AGAP1: variants seen among roughly 807,000 people sequenced by gnomAD.
AGAP1 encodes arf-GAP with GTPase, ANK repeat and PH domain-containing protein 1.
In AGAP1, 29 loss-of-function variants were observed where a neutral mutation model predicts 105.3. The ratio of observed to expected loss-of-function variants is 0.28; its 90% CI spans 0.21 to 0.38. AGAP1 has a LOEUF of 0.38. AGAP1 is among the 10% of genes least tolerant of loss of function. The pLI is 1.00. For synonymous variants in AGAP1, 509 were observed against 485.9 expected (o/e 1.05, Z -0.63); for missense variants, 998 against 1,165.1 (o/e 0.86, Z 2.09).
At chr2:235,680,003 G>A (rs578055105) in intron 1 of AGAP1, among the ~76,000 whole-genome samples, 7 of 152,196 alleles carry the variant, frequency 4.6e-5, no homozygotes, top group Non-Finnish European at 7.3e-5. Flanking sequence ...TCTAAGTAAC[G>A]TACTACTACT....
At chr2:235,679,990 G>A (rs1303434186) in intron 1 of AGAP1, among the ~76,000 whole-genome samples, 5 of 152,186 alleles carry the variant, frequency 3.3e-5, no homozygotes, top group South Asian at 4.1e-4. Flanking sequence ...TTTGACTGTC[G>A]TTTCTAAGTA....
At chr2:235,852,782 G>A (rs1162975017) in intron 9 of AGAP1, 2 of 1,536,962 alleles carry the variant, frequency 1.3e-6, no homozygotes, top group Non-Finnish European at 1.8e-6. Context: ...AGGGCCGAGG[G>A]GTGGTCAGAC....
In AGAP1 at chr2:236,120,223, T is replaced by C. The variant is rs1206198711; in HGVS notation, c.2146T>C (p.Tyr716His). The change falls in exon 17 of 18, where the codon TAC (tyrosine) becomes CAC (histidine). Residue 716 changes from tyrosine to histidine, a missense_variant. Around this residue, in one of 3 missense-constraint regions of AGAP1, gnomAD observed 235 missense variants for 270.7 expected, o/e 0.87. Coordinates refer to ENST00000304032, the MANE Select transcript of AGAP1 (RefSeq NM_001037131.3). The surrounding 1 kb of genome is among the most constrained non-coding windows in gnomAD (Gnocchi z 6.0). ...GAAGGAACGGTGGATCCGTGCCAAG[T>C]ACGAGCAGAAGCTCTTCCTGGCCCC... ...EEKERWIRAK[Y>H]EQKLFLAPLP... 6.2e-7 allele frequency: 1 copy of C among 1,613,176 alleles called. No individual in the cohort carries two copies. The highest frequency in any genetic ancestry group is 8.5e-7 in the Non-Finnish European group (1 of 1,179,420).
chr2:235,849,449 A>G (rs1961899009), intron 9 of AGAP1, among the ~76,000 whole-genome samples: 1 of 148,252 alleles, frequency 6.7e-6, no homozygotes, highest in Non-Finnish European at 1.5e-5. Flanking sequence ...GATGATAGAA[A>G]CAAGCTAATG....
At position 236,105,754 on chromosome 2, in the gene AGAP1, C is replaced by T. The variant is rs373036566; in HGVS notation, c.2115-14438C>T. Among the ~76,000 whole-genome samples, 33 of 152,096 alleles carry T rather than the reference C, an allele frequency of 2.2e-4. No homozygotes were observed. The South Asian group carries it at 2.9e-3, about 13-fold the overall frequency. On this transcript the variant is annotated intron_variant, in intron 16 of 17. Coordinates refer to ENST00000304032, the MANE Select transcript of AGAP1 (RefSeq NM_001037131.3). This position sits in a 1 kb window ranked among gnomAD's most constrained non-coding sequence, Gnocchi z 4.2. ...GACTACAGGCGCCCGCCACCATGCC[C>T]GGCTGATTTTGTTTTTGTATTTTTA...
chr2:235,885,099 TTAA>T (rs1353494731), intron 10 of AGAP1, among the ~76,000 whole-genome samples: 3 of 152,140 alleles, frequency 2.0e-5, no homozygotes, highest in Admixed American at 6.5e-5. Context: ...TTGAAGAAAA[TTAA>T]TATCATTCCT....
At chr2:235,757,722 G>C (rs2149757505) in intron 6 of AGAP1, among the ~76,000 whole-genome samples, 1 of 152,268 alleles carries the variant, frequency 6.6e-6, no homozygotes, top group Admixed American at 6.5e-5. Flanking sequence ...GGAAGTCAGG[G>C]AGCCTCGGTG....
chr2:236,068,119 A>G (rs2058394625), intron 16 of AGAP1, among the ~76,000 whole-genome samples: 1 of 152,164 alleles, frequency 6.6e-6, no homozygotes, highest in Admixed American at 6.5e-5. Flanking sequence ...TAAAAATACG[A>G]AATTTAGCTG....
At chr2:235,948,274 C>T (rs1389918566) in intron 12 of AGAP1, among the ~76,000 whole-genome samples, 1 of 152,162 alleles carries the variant, frequency 6.6e-6, no homozygotes, top group Non-Finnish European at 1.5e-5. Context: ...ACTCTGCCTC[C>T]TGGGCTCAAG....
In AGAP1 at chr2:235,930,632, T is replaced by C; in HGVS notation, c.1325-133T>C. On this transcript the variant is annotated intron_variant, in intron 11 of 17. Coordinates refer to ENST00000304032, the MANE Select transcript of AGAP1 (RefSeq NM_001037131.3). This position sits in a 1 kb window ranked among gnomAD's most constrained non-coding sequence, Gnocchi z 7.9. ...TTCTGTCTGGCGCTTCCGTTTGCCA[T>C]GCAGGCAGGACAGGGGCTGCTCTCG... The C allele has an allele frequency of 1.2e-6, 1 of 860,638 alleles. No homozygotes were observed. The highest frequency in any genetic ancestry group is 1.8e-5 in the South Asian group (1 of 54,844). 53.3% of individuals were successfully genotyped at this position (860,638 alleles called of 1,614,324 possible). A position where few individuals can be genotyped will look rare whatever the true frequency, so the allele number is the denominator to read the frequency against.
At chr2:235,595,442 T>G (rs1945495091) in intron 1 of AGAP1, among the ~76,000 whole-genome samples, 1 of 152,230 alleles carries the variant, frequency 6.6e-6, no homozygotes, top group Non-Finnish European at 1.5e-5. Flanking sequence ...CTCCTGGGCC[T>G]GCTGCTGCCT....
chr2:235,763,663 T>C (rs777084745), intron 6 of AGAP1, among the ~76,000 whole-genome samples: 5 of 152,184 alleles, frequency 3.3e-5, no homozygotes, highest in Non-Finnish European at 5.9e-5. Flanking sequence ...TTCAGCGTTC[T>C]CCAGCAGCTG....
In AGAP1 at chr2:235,691,154, C is replaced by T. The variant is rs977569153; in HGVS notation, c.164-18025C>T. On this transcript the variant is annotated intron_variant, in intron 1 of 17. Transcript: ENST00000304032. This position sits in a 1 kb window ranked among gnomAD's most constrained non-coding sequence, Gnocchi z 4.4. ...AGTCTGCCCCATGCGATTCTGAGGC[C>T]TTGGTCCCTTCTGAGAGACCCCAGC... Among the ~76,000 whole-genome samples, 4 of 152,190 alleles carry T rather than the reference C, an allele frequency of 2.6e-5. No individual in the cohort carries two copies. Among genetic ancestry groups the T allele is most frequent in the African/African-American group, 7.2e-5 (3 of 41,462 alleles).
At chr2:236,103,496 T>TTTTTC (rs200555476) in intron 16 of AGAP1, among the ~76,000 whole-genome samples, 3,083 of 151,852 alleles carry the variant, frequency 0.02, 115 homozygotes, top group African/African-American at 0.071. Flanking sequence ...TTGTCTTTCT[T>TTTTTC]TTTTCTTTTC....
intron 10 of AGAP1, among the ~76,000 whole-genome samples, chr2:235,907,992 A>C (rs548561538): frequency 2.6e-5 from 4 of 152,216 alleles, no homozygotes; most frequent in South Asian, 2.1e-4. Context: ...AGTGATGATG[A>C]TGCTGCACTA....
chr2:235,797,852 G>C lies in AGAP1; in HGVS notation c.767G>C (p.Cys256Ser), dbSNP rs1957313125. ...LPNSPSHSSV[C>S]SAQVSAVHIS... Reference sequence around the variant, plus strand: ...AATTCTCCCAGCCATTCCTCCGTCTGTTCCGCGCAGGTGTCTGCCGTGCAC... The same window carrying C: ...AATTCTCCCAGCCATTCCTCCGTCTCTTCCGCGCAGGTGTCTGCCGTGCAC... The change falls in exon 7 of 18, where the codon TGT (cysteine) becomes TCT (serine). Residue 256 changes from cysteine (C) to serine (S), a missense_variant. By Grantham distance (112) the Cys-to-Ser change is moderately radical. Around this residue, in one of 3 missense-constraint regions of AGAP1, gnomAD observed 735 missense variants for 833.4 expected, o/e 0.88. Coordinates refer to ENST00000304032, the MANE Select transcript of AGAP1 (RefSeq NM_001037131.3). 2.5e-6 allele frequency: 4 copies of C among 1,614,236 alleles called. No homozygotes were observed. Among genetic ancestry groups the C allele is most frequent in the Non-Finnish European group, 3.4e-6 (4 of 1,180,052 alleles).
At chr2:235,848,421 A>T (rs770507713) in intron 9 of AGAP1, among the ~76,000 whole-genome samples, 14 of 152,182 alleles carry the variant, frequency 9.2e-5, no homozygotes, top group Non-Finnish European at 2.1e-4. Context: ...TCTTTCTAAC[A>T]CTGGGAGCTA....
chr2:235,740,047 C>T lies in AGAP1; in HGVS notation c.311-916C>T, dbSNP rs183884748. The stretch of plus-strand genomic sequence containing the variant: ...CCTTCCCTCTTTAAAACAAGAGTTT[C>T]GAATCCCCATGAGGGTTCCCTAGCG... On this transcript the variant is annotated intron_variant, in intron 3 of 17. Coordinates refer to ENST00000304032, the MANE Select transcript of AGAP1 (RefSeq NM_001037131.3). The surrounding 1 kb of genome is among the most constrained non-coding windows in gnomAD (Gnocchi z 5.7). Among the ~76,000 whole-genome samples, 461 of 152,226 alleles carry T rather than the reference C, an allele frequency of 3.0e-3. No individual in the cohort carries two copies. Among genetic ancestry groups the T allele is most frequent in the African/African-American group, 0.01 (422 of 41,550 alleles).
In AGAP1 at chr2:235,763,480, T is replaced by A. The variant is rs574408620; in HGVS notation, c.673+12992T>A. ...TGGTTGGTTTTTTATCCCTCTGTAT[T>A]TGATTTAGATGAGTGCTTCCGTGCA... On this transcript the variant is annotated intron_variant, in intron 6 of 17. Transcript: ENST00000304032. Among the ~76,000 whole-genome samples, 5 of 152,310 alleles carry A rather than the reference T, an allele frequency of 3.3e-5. No homozygotes were observed. In the East Asian group the frequency reaches 7.7e-4, roughly 24 times the overall value.
Sources: allele counts gnomAD v4.1 joint callset (sites outside exome capture counted in the v4.1 genomes callset), GRCh38; gene constraint gnomAD v4.1.1; regional missense constraint gnomAD v4.1.1; non-coding constraint Gnocchi (gnomAD v3.1); transcripts MANE v1.5; gene names NCBI Gene and HGNC (gene_info 2026-07-23, HGNC 2026-07-21).